Variants in IL1RAPL1 observed in about 807,000 individuals in gnomAD.
The protein encoded by IL1RAPL1 is interleukin 1 receptor accessory protein like 1, also known as interleukin-1 receptor accessory protein-like 1.
A neutral mutation model predicts 48.4 loss-of-function variants in IL1RAPL1; 3 were observed. The ratio of observed to expected loss-of-function variants is 0.06; its 90% CI spans 0.03 to 0.16. The LOEUF is 0.16. IL1RAPL1 is among the 10% of genes least tolerant of loss of function. IL1RAPL1 has a pLI of 1.00. For synonymous variants in IL1RAPL1, 185 were observed against 187.7 expected (o/e 0.99, Z 0.12); for missense variants, 349 against 530.6 (o/e 0.66, Z 3.36).
At chrX:28,729,417 G>T (rs1935725807) in intron 1 of IL1RAPL1, among the ~76,000 whole-genome samples, 1 of 110,855 alleles carries the variant, frequency 9.0e-6, no homozygotes, top group African/African-American at 3.3e-5. Context: ...GTATCCAGAG[G>T]AAAGCATAGA....
chrX:29,682,225 T>A (rs1391949211), intron 6 of IL1RAPL1, among the ~76,000 whole-genome samples: 10 of 111,743 alleles, frequency 8.9e-5, no homozygotes, highest in Non-Finnish European at 1.7e-4. Flanking sequence ...ATATGTTATG[T>A]GTCTGCCTGT....
At chrX:29,751,315 A>G (rs1928456051) in intron 6 of IL1RAPL1, among the ~76,000 whole-genome samples, 1 of 111,622 alleles carries the variant, frequency 9.0e-6, no homozygotes, top group Non-Finnish European at 1.9e-5. Flanking sequence ...CCATTAAATA[A>G]ATTATCATGT....
At chrX:29,392,056 A>G (rs773602673) in intron 3 of IL1RAPL1, among the ~76,000 whole-genome samples, 2 of 111,793 alleles carry the variant, frequency 1.8e-5, no homozygotes, top group Admixed American at 9.5e-5. Context: ...TTTTAAGTCT[A>G]TACTAATATT....
At chrX:28,956,557 A>G (rs1166192281) in intron 2 of IL1RAPL1, among the ~76,000 whole-genome samples, 3 of 103,380 alleles carry the variant, frequency 2.9e-5, no homozygotes, top group African/African-American at 1.1e-4. Flanking sequence ...TATATGCTGG[A>G]TTACATTTAT....
At chrX:29,601,411 A>G (rs1923714423) in intron 5 of IL1RAPL1, among the ~76,000 whole-genome samples, 1 of 112,127 alleles carries the variant, frequency 8.9e-6, no homozygotes, top group African/African-American at 3.2e-5. Flanking sequence ...TTAAGCATAA[A>G]TTGAAATTTG....
chrX:29,327,750 G>C (rs1422768299), intron 3 of IL1RAPL1, among the ~76,000 whole-genome samples: 1 of 108,594 alleles, frequency 9.2e-6, no homozygotes, highest in Non-Finnish European at 1.9e-5. Context: ...TTTTAGGAGT[G>C]CACAAACCCT....
chrX:29,161,253 G>A (rs965236271), intron 2 of IL1RAPL1, among the ~76,000 whole-genome samples: 4 of 111,446 alleles, frequency 3.6e-5, no homozygotes, highest in Non-Finnish European at 7.5e-5. Context: ...TGATGCAGGA[G>A]AGAAAGTGAT....
chrX:29,817,478 G>A (rs1930523563), intron 6 of IL1RAPL1, among the ~76,000 whole-genome samples: 1 of 110,820 alleles, frequency 9.0e-6, no homozygotes, highest in Non-Finnish European at 1.9e-5. Flanking sequence ...GGTGTATGAA[G>A]TACAATGTGA....
intron 2 of IL1RAPL1, among the ~76,000 whole-genome samples, chrX:28,994,458 T>G (rs1321085478): frequency 9.0e-6 from 1 of 111,466 alleles, no homozygotes; most frequent in Non-Finnish European, 1.9e-5. Context: ...TGGGCATGTT[T>G]GGGAGGTCAT....
intron 5 of IL1RAPL1, among the ~76,000 whole-genome samples, chrX:29,407,064 C>T (rs1384197551): frequency 9.0e-6 from 1 of 111,720 alleles, no homozygotes; most frequent in Non-Finnish European, 1.9e-5. Flanking sequence ...ATACAGAATC[C>T]AGTACATATT....
chrX:29,813,023 A>G (rs1201115754), intron 6 of IL1RAPL1, among the ~76,000 whole-genome samples: 1 of 111,698 alleles, frequency 9.0e-6, no homozygotes, highest in Non-Finnish European at 1.9e-5. Context: ...GTGTGCCACC[A>G]TTTTGATTAA....
intron 5 of IL1RAPL1, among the ~76,000 whole-genome samples, chrX:29,519,676 A>G (rs1340103100): frequency 1.8e-5 from 2 of 111,657 alleles, no homozygotes; most frequent in Admixed American, 1.9e-4. Context: ...CACTTCTGCC[A>G]TAGCTTGTTA....
intron 5 of IL1RAPL1, among the ~76,000 whole-genome samples, chrX:29,484,740 T>C (rs1194006246): frequency 8.9e-6 from 1 of 111,846 alleles, no homozygotes; most frequent in Non-Finnish European, 1.9e-5. Flanking sequence ...GGGCATATTC[T>C]AGATAAGGCT....
intron 2 of IL1RAPL1, among the ~76,000 whole-genome samples, chrX:28,886,101 C>T (rs1475277718): frequency 9.1e-6 from 1 of 110,322 alleles, no homozygotes; most frequent in Non-Finnish European, 1.9e-5. Context: ...GGAAATGATA[C>T]TTACAATACC....
intron 1 of IL1RAPL1, among the ~76,000 whole-genome samples, chrX:28,606,602 CTT>C (rs928398545): frequency 2.7e-5 from 3 of 111,610 alleles, no homozygotes; most frequent in African/African-American, 9.8e-5. Context: ...ACCAATTAAA[CTT>C]CATATAATTT....
chrX:29,135,837 C>T (rs1370125419), intron 2 of IL1RAPL1, among the ~76,000 whole-genome samples: 1 of 111,548 alleles, frequency 9.0e-6, no homozygotes, highest in Non-Finnish European at 1.9e-5. Context: ...CATGCTCAAG[C>T]GATCCTCCTG....
intron 2 of IL1RAPL1, among the ~76,000 whole-genome samples, chrX:28,845,213 C>T (rs962521650): frequency 1.7e-4 from 19 of 111,057 alleles, no homozygotes; most frequent in African/African-American, 5.9e-4. Context: ...CATTTTTCCC[C>T]AGGGTTTACA....
At chrX:28,843,983 A>T (rs1304621362) in intron 2 of IL1RAPL1, among the ~76,000 whole-genome samples, 1 of 109,409 alleles carries the variant, frequency 9.1e-6, no homozygotes, top group African/African-American at 3.3e-5. Flanking sequence ...CTCTTAACTG[A>T]TCTCCCTGCT....
In IL1RAPL1 at chrX:28,836,394, GAC is replaced by G. The variant is rs57842030; in HGVS notation, c.82+46971_82+46972del. ...AGAGAGAGAGAGAGAGAGACAGACA[GAC>G]AGAGAGAGAGAGTCCATATATAAAC... On this transcript the variant is annotated intron_variant, in intron 2 of 10. Coordinates refer to ENST00000378993, the MANE Select transcript of IL1RAPL1 (RefSeq NM_014271.4). 3.2e-4 allele frequency among the ~76,000 whole-genome samples: 32 copies of G among 101,572 alleles called. No individual in the cohort carries two copies. The East Asian group carries it at 7.4e-3, about 24-fold the overall frequency. The allele number at this position is 101,572 out of a possible 115,157, so 88.2% of individuals were successfully genotyped here.
Sources: allele counts gnomAD v4.1 joint callset (sites outside exome capture counted in the v4.1 genomes callset), GRCh38; gene constraint gnomAD v4.1.1; transcripts MANE v1.5; gene names NCBI Gene and HGNC (gene_info 2026-07-23, HGNC 2026-07-21).